Variants in NCAM2 observed in about 807,000 individuals in gnomAD.
The protein encoded by NCAM2 is N-CAM-2.
In NCAM2, 30 loss-of-function variants were observed where a neutral mutation model predicts 98.1. That is an observed-to-expected ratio of 0.31 (90% CI 0.23 to 0.41). The LOEUF is 0.41. NCAM2 is among the 10% of genes least tolerant of loss of function. The pLI is 1.00. For synonymous variants in NCAM2, 368 were observed against 342.4 expected (o/e 1.07, Z -0.83); for missense variants, 867 against 1,005.8 (o/e 0.86, Z 1.87).
chr21:21,281,441 C>CT (rs1469105362), intron 2 of NCAM2, among the ~76,000 whole-genome samples: 4 of 152,120 alleles, frequency 2.6e-5, no homozygotes, highest in African/African-American at 9.6e-5. Flanking sequence ...GTCAGGAAAG[C>CT]TTTGACTAGA....
chr21:21,071,186 A>G (rs553494540), intron 1 of NCAM2, among the ~76,000 whole-genome samples: 1 of 152,312 alleles, frequency 6.6e-6, no homozygotes, highest in South Asian at 2.1e-4. Context: ...CAAGAAAGAG[A>G]ATGTAAAAAT....
At chr21:21,270,810 T>G (rs2072468991) in intron 1 of NCAM2, among the ~76,000 whole-genome samples, 1 of 152,072 alleles carries the variant, frequency 6.6e-6, no homozygotes, top group Admixed American at 6.6e-5. Flanking sequence ...CCTATTTGAT[T>G]TTTTTTTCAG....
At chr21:21,286,940 T>G (rs1381280504) in intron 4 of NCAM2, among the ~76,000 whole-genome samples, 1 of 151,948 alleles carries the variant, frequency 6.6e-6, no homozygotes, top group South Asian at 2.1e-4. Flanking sequence ...ATGTGAATTA[T>G]GTTTATTATT....
chr21:21,492,409 T>A (rs1036346362), intron 15 of NCAM2, among the ~76,000 whole-genome samples: 1 of 151,920 alleles, frequency 6.6e-6, no homozygotes, highest in Non-Finnish European at 1.5e-5. Flanking sequence ...CATCCATTAA[T>A]CACAGTATTT....
At chr21:21,272,452 A>G (rs2072535434) in intron 1 of NCAM2, among the ~76,000 whole-genome samples, 1 of 152,062 alleles carries the variant, frequency 6.6e-6, no homozygotes, top group Non-Finnish European at 1.5e-5. Context: ...AAATTTAAAA[A>G]CTACACACAT....
At chr21:21,173,764 G>A (rs997229405) in intron 1 of NCAM2, among the ~76,000 whole-genome samples, 7 of 152,010 alleles carry the variant, frequency 4.6e-5, no homozygotes, top group Admixed American at 6.6e-5. Flanking sequence ...TCCCAGATGC[G>A]CTGCAAACTG....
chr21:21,086,111 C>T (rs1056044479), intron 1 of NCAM2, among the ~76,000 whole-genome samples: 2 of 152,206 alleles, frequency 1.3e-5, no homozygotes, highest in Admixed American at 1.3e-4. Context: ...ATATGGGACA[C>T]ATTCTTTACA....
intron 1 of NCAM2, among the ~76,000 whole-genome samples, chr21:21,251,072 T>A (rs536577641): frequency 6.6e-6 from 1 of 152,336 alleles, no homozygotes; most frequent in East Asian, 1.9e-4. Flanking sequence ...GGATTAAATG[T>A]GTCGTGATTT....
intron 5 of NCAM2, among the ~76,000 whole-genome samples, chr21:21,298,884 A>G (rs1371028778): frequency 6.6e-6 from 1 of 151,306 alleles, no homozygotes; most frequent in Non-Finnish European, 1.5e-5. Flanking sequence ...CATTGTTTGA[A>G]TTGGATTCCC....
intron 1 of NCAM2, among the ~76,000 whole-genome samples, chr21:21,280,360 TGAA>T (rs1283039450): frequency 6.6e-6 from 1 of 152,198 alleles, no homozygotes; most frequent in Non-Finnish European, 1.5e-5. Flanking sequence ...ACTATCAGCT[TGAA>T]GAAGTGCTGT....
intron 1 of NCAM2, among the ~76,000 whole-genome samples, chr21:21,111,191 CCAATT>C (rs1293695581): frequency 1.3e-5 from 2 of 152,048 alleles, no homozygotes; most frequent in Admixed American, 1.3e-4. Context: ...CTAAGAAACT[CCAATT>C]CAATAATAAA....
At position 21,394,498 on chromosome 21, in the gene NCAM2, T is replaced by A; in HGVS notation, c.1196-15776T>A. Among the ~76,000 whole-genome samples the A allele has an allele frequency of 2.7e-5, 2 of 72,860 alleles. 1 individual carries two copies. Among genetic ancestry groups the A allele is most frequent in the East Asian group, 9.8e-4 (2 of 2,040 alleles). 47.8% of individuals were successfully genotyped at this position (72,860 alleles called of 152,430 possible). Reference sequence around the variant, plus strand: ...TTTTTTTTTTTTTTTTTTTTTTTTTTTTTTTTTTGAGACAGAGTTGCGCTC... The same window carrying A: ...TTTTTTTTTTTTTTTTTTTTTTTTTATTTTTTTTGAGACAGAGTTGCGCTC... On this transcript the variant is annotated intron_variant, in intron 9 of 17. Coordinates refer to ENST00000400546, the MANE Select transcript of NCAM2 (RefSeq NM_004540.5).
At chr21:21,452,426 T>G (rs1981264747) in intron 12 of NCAM2, among the ~76,000 whole-genome samples, 1 of 145,198 alleles carries the variant, frequency 6.9e-6, no homozygotes, top group Non-Finnish European at 1.5e-5. Flanking sequence ...TAATACAATG[T>G]CTTCATGGAA....
intron 15 of NCAM2, among the ~76,000 whole-genome samples, chr21:21,503,142 A>G (rs995171649): frequency 5.9e-5 from 9 of 151,924 alleles, no homozygotes; most frequent in Admixed American, 1.3e-4. Flanking sequence ...ATACATTCCA[A>G]AACTCTCAGT....
chr21:21,098,250 A>G (rs933736005), intron 1 of NCAM2, among the ~76,000 whole-genome samples: 2 of 151,618 alleles, frequency 1.3e-5, no homozygotes, highest in African/African-American at 4.8e-5. Flanking sequence ...GAAACCTAAT[A>G]TTTATAAAAA....
chr21:21,516,132 G>T (rs1988698486), intron 16 of NCAM2, among the ~76,000 whole-genome samples: 1 of 152,092 alleles, frequency 6.6e-6, no homozygotes, highest in African/African-American at 2.4e-5. Flanking sequence ...TCCTACCCTT[G>T]CAATTACTCC....
chr21:21,021,361 A>G (rs1452144990), intron 1 of NCAM2, among the ~76,000 whole-genome samples: 1 of 152,168 alleles, frequency 6.6e-6, no homozygotes, highest in African/African-American at 2.4e-5. Context: ...AGCAAAGTTG[A>G]TGATGACTTT....
Position 21,388,009 on chromosome 21 carries a change from A to G in NCAM2, c.1195+13996A>G, listed in dbSNP as rs149216330. Among the ~76,000 whole-genome samples the G allele has an allele frequency of 1.6e-3, 238 of 152,332 alleles. 1 individual carries two copies. The highest frequency in any genetic ancestry group is 5.6e-3 in the African/African-American group (231 of 41,570). On this transcript the variant is annotated intron_variant, in intron 9 of 17. Transcript: ENST00000400546. ...TATCACGTTGGAAACTGCTGATCAA[A>G]GCCAGGTTTGAATAAGGAGCTTGGC...
At chr21:21,203,273 T>G (rs913716994) in intron 1 of NCAM2, among the ~76,000 whole-genome samples, 1 of 152,218 alleles carries the variant, frequency 6.6e-6, no homozygotes, top group African/African-American at 2.4e-5. Flanking sequence ...TTGTCTTGTT[T>G]TCTTGCCTCT....
Sources: gnomAD v4.1 joint callset for allele counts (sites outside exome capture counted in the v4.1 genomes callset) on GRCh38, gnomAD v4.1.1 for gene constraint, MANE v1.5 for transcripts, NCBI Gene and HGNC (gene_info 2026-07-23, HGNC 2026-07-21) for gene names.